Variants in CMIP observed in about 807,000 individuals in gnomAD.
CMIP encodes the protein C-Maf-inducing protein.
Under a neutral mutation model 97.3 loss-of-function variants are expected in CMIP, and 13 were observed. The observed-to-expected ratio is 0.13, with a 90% CI of 0.09 to 0.21. The LOEUF (loss-of-function observed/expected upper bound fraction) is 0.21. Among genes scored for constraint, CMIP ranks in the 10% least tolerant of loss-of-function variants. The pLI is 1.00. For synonymous variants in CMIP, 538 were observed against 436.3 expected (o/e 1.23, Z -2.91); for missense variants, 847 against 1,024.9 (o/e 0.83, Z 2.37).
rs143884114 is a variant in CMIP, at chr16:81,623,442, C to T, written c.477+2516C>T. Among the ~76,000 whole-genome samples, 195 of 152,358 alleles carry T rather than the reference C, an allele frequency of 1.3e-3. 1 individual carries two copies. The highest frequency in any genetic ancestry group is 4.4e-3 in the African/African-American group (182 of 41,586). On this transcript the variant is annotated intron_variant, in intron 3 of 20. Coordinates refer to ENST00000537098, the MANE Select transcript of CMIP (RefSeq NM_198390.3). ...AGATGCCTGGGTGTGTGCTGGCCCACTTGCCAGGTGATCAATGGTAGTCTT... is the reference window on the plus strand; with the variant it reads ...AGATGCCTGGGTGTGTGCTGGCCCATTTGCCAGGTGATCAATGGTAGTCTT...
chr16:81,677,609 T>G (rs1597236141), intron 9 of CMIP, among the ~76,000 whole-genome samples: 1 of 152,350 alleles, frequency 6.6e-6, no homozygotes, highest in East Asian at 1.9e-4. Context: ...GCCCAGTGTT[T>G]GCCTAACAAA....
intron 1 of CMIP, among the ~76,000 whole-genome samples, chr16:81,599,634 C>T (rs564388608): frequency 2.0e-5 from 3 of 152,242 alleles, no homozygotes; most frequent in African/African-American, 7.2e-5. Flanking sequence ...GAGTTTGCCT[C>T]TGGCCAGAGG....
intron 1 of CMIP, among the ~76,000 whole-genome samples, chr16:81,569,118 G>T (rs1305910375): frequency 2.6e-5 from 4 of 152,172 alleles, no homozygotes; most frequent in Admixed American, 1.3e-4. Flanking sequence ...TCCCTTCTGG[G>T]TGCATAATCG....
intron 1 of CMIP, among the ~76,000 whole-genome samples, chr16:81,478,307 A>C (rs1908053365): frequency 6.6e-6 from 1 of 152,242 alleles, no homozygotes; most frequent in South Asian, 2.1e-4. Context: ...GTAAGGTATC[A>C]GCAAGCCGTA....
At chr16:81,511,484 C>T (rs572024774) in intron 1 of CMIP, among the ~76,000 whole-genome samples, 27 of 152,316 alleles carry the variant, frequency 1.8e-4, no homozygotes, top group African/African-American at 5.3e-4. Flanking sequence ...CTGAGTTTTG[C>T]TGATTGCTTC....
rs571391010 is a variant in CMIP at position 81,522,085 on chromosome 16, C to T, written c.300+76544C>T. ...CGGATGAGGTTTCTGCTTGTCCATT[C>T]ACACTTGATAAGGCTGCCACTGCCT... On this transcript the variant is annotated intron_variant, in intron 1 of 20. Transcript: ENST00000537098. Among the ~76,000 whole-genome samples the T allele has an allele frequency of 5.9e-5, 9 of 152,308 alleles. No individual in the cohort carries two copies. The South Asian group carries it at 1.9e-3, about 32-fold the overall frequency.
At chr16:81,542,635 T>C (rs2090469239) in intron 1 of CMIP, among the ~76,000 whole-genome samples, 1 of 152,200 alleles carries the variant, frequency 6.6e-6, no homozygotes, top group Non-Finnish European at 1.5e-5. Flanking sequence ...GTCAAGGTGC[T>C]GGCCTGGCTG....
chr16:81,627,828 T>G lies in CMIP; in HGVS notation c.477+6902T>G, dbSNP rs1380481172. 1.3e-5 allele frequency among the ~76,000 whole-genome samples: 2 copies of G among 152,172 alleles called. No individual in the cohort carries two copies. Among genetic ancestry groups the G allele is most frequent in the Non-Finnish European group, 2.9e-5 (2 of 68,020 alleles). ...GGCTGCGGCGCCTCGGGAATGAGTC[T>G]GTTCCATGTTCTGTGTTGGGAGCTG... On this transcript the variant is annotated intron_variant, in intron 3 of 20. Transcript: ENST00000537098. The surrounding 1 kb of genome is among the most constrained non-coding windows in gnomAD (Gnocchi z 4.6).
chr16:81,493,324 C>T (rs773956480), intron 1 of CMIP, among the ~76,000 whole-genome samples: 2 of 151,970 alleles, frequency 1.3e-5, no homozygotes, highest in Non-Finnish European at 2.9e-5. Flanking sequence ...GTGCACAGGC[C>T]GGAGCTCTGG....
At chr16:81,696,800 AGGT>A (rs201681534) in intron 14 of CMIP, 133 bp downstream of exon 14, 130 of 741,168 alleles carry the variant, frequency 1.8e-4, no homozygotes, top group Middle Eastern at 3.3e-4. Flanking sequence ...CTGATCATGA[AGGT>A]GGTGGTGGTG....
At chr16:81,603,458 G>C (rs546051890) in intron 1 of CMIP, 1 of 454,546 alleles carries the variant, frequency 2.2e-6, no homozygotes, top group African/African-American at 2.0e-5. Context: ...ATACCCCAGA[G>C]TTCTCACACA....
Position 81,471,434 on chromosome 16 carries a change from A to T in CMIP, c.300+25893A>T, listed in dbSNP as rs1257466352. Among the ~76,000 whole-genome samples, 6 of 151,852 alleles carry T rather than the reference A, an allele frequency of 4.0e-5. No homozygotes were observed. In the East Asian group the frequency reaches 9.6e-4, roughly 24 times the overall value. On this transcript the variant is annotated intron_variant, in intron 1 of 20. Coordinates refer to ENST00000537098, the MANE Select transcript of CMIP (RefSeq NM_198390.3). ...TACACACATACATGTACATGCACATACATTTGTACATGCATATGTACACAT... is the reference window on the plus strand; with the variant it reads ...TACACACATACATGTACATGCACATTCATTTGTACATGCATATGTACACAT...
chr16:81,557,801 A>G (rs2090795576), intron 1 of CMIP, among the ~76,000 whole-genome samples: 1 of 152,208 alleles, frequency 6.6e-6, no homozygotes, highest in Non-Finnish European at 1.5e-5. Flanking sequence ...TACACATAAC[A>G]TCAAATTCAC....
intron 1 of CMIP, among the ~76,000 whole-genome samples, chr16:81,559,246 G>T (rs1811357964): frequency 6.6e-6 from 1 of 152,164 alleles, no homozygotes; most frequent in South Asian, 2.1e-4. Flanking sequence ...TGGCCTAGGT[G>T]GGCTTGGGGT....
intron 3 of CMIP, chr16:81,630,546 G>C (rs1019536946): frequency 1.3e-5 from 2 of 152,410 alleles, no homozygotes; most frequent in Admixed American, 6.5e-5. Flanking sequence ...CTCTGGCTGT[G>C]CCTCCGTGGG....
intron 1 of CMIP, among the ~76,000 whole-genome samples, chr16:81,473,487 C>CTTT (rs35365325): frequency 7.1e-6 from 1 of 140,270 alleles, no homozygotes; most frequent in Non-Finnish European, 1.5e-5. Context: ...TAAAATAGGT[C>CTTT]TTTTTTTTTT....
chr16:81,574,405 G>A (rs2091153119), intron 1 of CMIP, among the ~76,000 whole-genome samples: 1 of 152,258 alleles, frequency 6.6e-6, no homozygotes, highest in Non-Finnish European at 1.5e-5. Context: ...GCCAGGCTTG[G>A]CAAGTGGCAC....
chr16:81,555,821 G>C (rs1043729929), intron 1 of CMIP, among the ~76,000 whole-genome samples: 1 of 152,178 alleles, frequency 6.6e-6, no homozygotes, highest in African/African-American at 2.4e-5. Context: ...TGCCCTGGTT[G>C]GGGGAGACTG....
At chr16:81,536,441 C>G (rs914066690) in intron 1 of CMIP, among the ~76,000 whole-genome samples, 5 of 152,160 alleles carry the variant, frequency 3.3e-5, no homozygotes, top group African/African-American at 1.2e-4. Context: ...TAAGAATATT[C>G]TCTTATAGTT....
Sources: gnomAD v4.1 joint callset for allele counts (sites outside exome capture counted in the v4.1 genomes callset) on GRCh38, gnomAD v4.1.1 for gene constraint, Gnocchi (gnomAD v3.1) non-coding constraint, MANE v1.5 for transcripts, NCBI Gene and HGNC (gene_info 2026-07-23, HGNC 2026-07-21) for gene names.